GRID2IP: variants seen among roughly 807,000 people sequenced by gnomAD.
GRID2IP encodes delphilin.
A neutral mutation model predicts 114.3 loss-of-function variants in GRID2IP; 78 were observed. The ratio of observed to expected loss-of-function variants is 0.68; its 90% CI spans 0.57 to 0.82. The LOEUF (loss-of-function observed/expected upper bound fraction) is 0.82. GRID2IP is among the 40% of genes least tolerant of loss of function. The pLI is 0.00. For synonymous variants in GRID2IP, 809 were observed against 724.0 expected (o/e 1.12, Z -1.89); for missense variants, 1,727 against 1,678.5 (o/e 1.03, Z -0.51).
Position 6,528,780 on chromosome 7 carries a change from G to T in GRID2IP, c.585-2011C>A, listed in dbSNP as rs912980156. Among the ~76,000 whole-genome samples, 2 of 152,056 alleles carry T rather than the reference G, an allele frequency of 1.3e-5. No homozygotes were observed. Among genetic ancestry groups the T allele is most frequent in the South Asian group, 4.1e-4 (2 of 4,822 alleles). On this transcript the variant is annotated intron_variant, in intron 2 of 21. Transcript: ENST00000457091. This position sits in a 1 kb window ranked among gnomAD's most constrained non-coding sequence, Gnocchi z 6.0. The stretch of plus-strand genomic sequence containing the variant: ...AGGCTCTGTCCCCGCAGTGAGCTCC[G>T]CTCCAGGTCTCGATGGTCCGGGGGG...
chr7:6,509,232 C>A lies in GRID2IP; in HGVS notation c.1853G>T (p.Gly618Val). ...CTCAGAGCTGCTGGGGGAGGCCAGA[C>A]CCCCCGAACACAGCGGGTGGTAGCA... ...SPCYHPLCSG[G>V]LASPSSSESH... The change falls in exon 12 of 22, where the codon GGT (glycine) becomes GTT (valine). Residue 618 changes from glycine (G) to valine (V), a missense_variant. Transcript: ENST00000457091. The surrounding 1 kb of genome is among the most constrained non-coding windows in gnomAD (Gnocchi z 4.9). The A allele has an allele frequency of 2.6e-6, 4 of 1,510,478 alleles. No homozygotes were observed. Among genetic ancestry groups the A allele is most frequent in the Non-Finnish European group, 3.5e-6 (4 of 1,127,568 alleles). The allele number at this position is 1,510,478 out of a possible 1,614,324, so 93.6% of individuals were successfully genotyped here.
At chr7:6,512,344 C>T (rs977657211) in intron 8 of GRID2IP, among the ~76,000 whole-genome samples, 2 of 149,844 alleles carry the variant, frequency 1.3e-5, no homozygotes, top group African/African-American at 4.9e-5. Flanking sequence ...GCCTGAGCCT[C>T]CCCTGCAGCT....
chr7:6,547,045 G>A (rs1165550139), intron 1 of GRID2IP, among the ~76,000 whole-genome samples: 1 of 152,162 alleles, frequency 6.6e-6, no homozygotes, highest in Non-Finnish European at 1.5e-5. Context: ...GAGCATTGAG[G>A]ACAGGTGCTG....
chr7:6,526,302 G>A lies in GRID2IP; in HGVS notation c.841C>T (p.Arg281Ter). 1 of 1,551,818 alleles carries A rather than the reference G, an allele frequency of 6.4e-7. No individual in the cohort carries two copies. Among genetic ancestry groups the A allele is most frequent in the Non-Finnish European group, 8.7e-7 (1 of 1,146,978 alleles). Residue 281 changes from arginine to a stop codon, truncating the protein, a stop_gained, in exon 4 of 22, where the codon CGA (arginine) becomes TGA (stop). Transcript: ENST00000457091. LOFTEE classifies it high-confidence loss of function. This position sits in a 1 kb window ranked among gnomAD's most constrained non-coding sequence, Gnocchi z 7.6. ...AAGCTCTTGTTGCCTTTGTAGACTC[G>A]GACAGTCCTGGGGGAAAAAGAAGGG... is the stretch of plus-strand genomic sequence containing the variant. ...AGPGGARRTV[R>*]VYKGNKSFGF...
At chr7:6,505,721 G>C in intron 14 of GRID2IP, 99 bp downstream of exon 14, 1 of 761,468 alleles carries the variant, frequency 1.3e-6, no homozygotes, top group South Asian at 1.6e-5. Flanking sequence ...GACGCATCAG[G>C]TTAAATAGTA....
At chr7:6,548,576 G>A (rs1478750480) in intron 1 of GRID2IP, among the ~76,000 whole-genome samples, 2 of 152,018 alleles carry the variant, frequency 1.3e-5, no homozygotes, top group Admixed American at 1.3e-4. Flanking sequence ...GGTGGCTCAC[G>A]CCTGTAATCC....
chr7:6,526,689 C>A lies in GRID2IP; in HGVS notation c.665G>T (p.Arg222Leu). The change falls in exon 3 of 22, where the codon CGC (arginine) becomes CTC (leucine). Residue 222 changes from arginine (R) to leucine (L), a missense_variant. Arg to Leu is a moderately radical substitution (Grantham distance 102, BLOSUM62 -2). Transcript: ENST00000457091. The surrounding 1 kb of genome is among the most constrained non-coding windows in gnomAD (Gnocchi z 7.6). ...CAGTCGCTGCGCGCCCTGGGCCCGG[C>A]GTGCGCGGCACAGCTTGCCCAGGAG... ...QGLLGKLCRARRAQGAQRLRR... is the reference protein window; with the variant it reads ...QGLLGKLCRALRAQGAQRLRR... 1.3e-6 allele frequency: 2 copies of A among 1,486,606 alleles called. No homozygotes were observed. Among genetic ancestry groups the A allele is most frequent in the Non-Finnish European group, 1.8e-6 (2 of 1,120,354 alleles). 92.1% of individuals were successfully genotyped at this position (1,486,606 alleles called of 1,614,324 possible).
intron 15 of GRID2IP, 78 bp downstream of exon 15, chr7:6,504,715 C>G: frequency 9.0e-7 from 1 of 1,107,680 alleles, no homozygotes; most frequent in Non-Finnish European, 1.3e-6. Context: ...TCTCTGTCAT[C>G]CACCTGGGCA....
At chr7:6,517,617 C>A (rs1385617039) in intron 7 of GRID2IP, among the ~76,000 whole-genome samples, 2 of 152,054 alleles carry the variant, frequency 1.3e-5, no homozygotes, top group African/African-American at 4.8e-5. Flanking sequence ...CTAAAATATA[C>A]AAAGGTGTCC....
At chr7:6,546,949 C>T (rs563064018) in intron 1 of GRID2IP, among the ~76,000 whole-genome samples, 3 of 152,314 alleles carry the variant, frequency 2.0e-5, no homozygotes, top group East Asian at 3.9e-4. Flanking sequence ...ACCAATATTT[C>T]TAGGTCTTCC....
At position 6,503,563 on chromosome 7, in the gene GRID2IP, G is replaced by A. The variant is rs1230547065; in HGVS notation, c.2835C>T (p.Asp945=). ...AQLLLFAPDA[D]EEQRYQAFRE... The stretch of plus-strand genomic sequence containing the variant: ...GGAAGGCCTGGTAGCGCTGCTCCTC[G>A]TCGGCGTCGGGCGCGAAGAGCAGCA... The change falls in exon 16 of 22, where the codon GAC becomes GAT. Residue 945 remains aspartate, a synonymous_variant. Coordinates refer to ENST00000457091, the MANE Select transcript of GRID2IP (RefSeq NM_001145118.2). 3.3e-6 allele frequency: 5 copies of A among 1,528,728 alleles called. No individual in the cohort carries two copies. The highest frequency in any genetic ancestry group is 3.5e-6 in the Non-Finnish European group (4 of 1,144,178). 94.7% of individuals were successfully genotyped at this position (1,528,728 alleles called of 1,614,324 possible). A position where few individuals can be genotyped will look rare whatever the true frequency, so the allele number is the denominator to read the frequency against.
At chr7:6,539,045 C>T (rs1358508258) in intron 2 of GRID2IP, among the ~76,000 whole-genome samples, 1 of 152,142 alleles carries the variant, frequency 6.6e-6, no homozygotes, top group Admixed American at 6.6e-5. Flanking sequence ...TGCCATTATC[C>T]TGTCTCAATA....
In GRID2IP at chr7:6,510,709, A is replaced by G. The variant is rs2115366754; in HGVS notation, c.1556-3T>C. 1 of 1,548,028 alleles carries G rather than the reference A, an allele frequency of 6.5e-7. No homozygotes were observed. Among genetic ancestry groups the G allele is most frequent in the East Asian group, 2.5e-5 (1 of 40,688 alleles). The stretch of plus-strand genomic sequence containing the variant: ...CATCTCAGGGCACTCGCTGGGACCT[A>G]CCGGGGAATAATGTCATTACCGTAT... On this transcript the variant is annotated splice_region_variant and splice_polypyrimidine_tract_variant and intron_variant, in intron 9 of 21. Transcript: ENST00000457091.
chr7:6,537,517 A>T (rs1371442474), intron 2 of GRID2IP, among the ~76,000 whole-genome samples: 1 of 149,142 alleles, frequency 6.7e-6, no homozygotes, highest in Non-Finnish European at 1.5e-5. Context: ...AGCTAGGATT[A>T]CAGGCGCCCG....
At chr7:6,498,572 C>CTTTTTTTT (rs34146767) in intron 20 of GRID2IP, among the ~76,000 whole-genome samples, 1 of 68,124 alleles carries the variant, frequency 1.5e-5, no homozygotes, top group Non-Finnish European at 2.5e-5. Flanking sequence ...CTAGGCCTTA[C>CTTTTTTTT]TTTTTTTTTT....
At position 6,498,093 on chromosome 7, in the gene GRID2IP, T is replaced by C. The variant is rs1420151582; in HGVS notation, c.3535A>G (p.Ile1179Val). ...KATTSEAFFG[I>V]FAEFMSKFER... ...AATTTGCTCATGAACTCTGCAAAGA[T>C]GCCGAAGAAAGCCTCAGAGGTGGTG... The change falls in exon 21 of 22, where the codon ATC (isoleucine) becomes GTC (valine). Residue 1179 changes from isoleucine (I) to valine (V), a missense_variant. Physicochemically the swap from Ile to Val is conservative, Grantham distance 29 (BLOSUM62 3). Coordinates refer to ENST00000457091, the MANE Select transcript of GRID2IP (RefSeq NM_001145118.2). 14 of 1,551,530 alleles carry C rather than the reference T, an allele frequency of 9.0e-6. No homozygotes were observed. Among genetic ancestry groups the C allele is most frequent in the African/African-American group, 1.4e-5 (1 of 73,186 alleles).
At chr7:6,535,240 G>A (rs1779704707) in intron 2 of GRID2IP, among the ~76,000 whole-genome samples, 1 of 152,198 alleles carries the variant, frequency 6.6e-6, no homozygotes, top group Non-Finnish European at 1.5e-5. Context: ...ATGTTGGCCA[G>A]GCTGGTCTCG....
In GRID2IP at chr7:6,520,073, A is replaced by T. The variant is rs986948354; in HGVS notation, c.1268+505T>A. On this transcript the variant is annotated intron_variant, in intron 7 of 21. Transcript: ENST00000457091. The surrounding 1 kb of genome is among the most constrained non-coding windows in gnomAD (Gnocchi z 4.6). Reference sequence around the variant, plus strand: ...GGCAGATCACGAGGTCAGGAGTTTGAGACCAGCCTGACCAACATAGTGAAA... The same window carrying T: ...GGCAGATCACGAGGTCAGGAGTTTGTGACCAGCCTGACCAACATAGTGAAA... Among the ~76,000 whole-genome samples the T allele has an allele frequency of 1.3e-5, 2 of 152,164 alleles. No homozygotes were observed. Among genetic ancestry groups the T allele is most frequent in the African/African-American group, 4.8e-5 (2 of 41,446 alleles).
intron 21 of GRID2IP, 107 bp downstream of exon 21, chr7:6,497,957 G>A (rs1478873253): frequency 5.7e-6 from 8 of 1,391,772 alleles, no homozygotes; most frequent in African/African-American, 1.4e-5. Flanking sequence ...GGGACATGTC[G>A]CTCACTGGAG....
Sources: allele counts gnomAD v4.1 joint callset (sites outside exome capture counted in the v4.1 genomes callset), GRCh38; gene constraint gnomAD v4.1.1; non-coding constraint Gnocchi (gnomAD v3.1); transcripts MANE v1.5; gene names NCBI Gene and HGNC (gene_info 2026-07-23, HGNC 2026-07-21).